The following ARHGAP44 variants were observed in gnomAD, a reference collection of about 807,000 sequenced individuals.
ARHGAP44 encodes Rho GTPase activating protein 44, also known as rho GTPase-activating protein 44.
ARHGAP44 carries 43 observed loss-of-function variants against 106.8 expected under a neutral mutation model. That is an observed-to-expected ratio of 0.40 (90% CI 0.32 to 0.52). ARHGAP44 has a LOEUF of 0.52. ARHGAP44 is among the 20% of genes least tolerant of loss of function. The pLI is 0.48. For synonymous variants in ARHGAP44, 439 were observed against 410.3 expected, an observed-to-expected ratio of 1.07 and a Z score of -0.85; for missense variants, 866 against 1,050.5, an observed-to-expected ratio of 0.82 and a Z score of 2.43.
intron 1 of ARHGAP44, among the ~76,000 whole-genome samples, chr17:12,889,764 A>G (rs1343624950): frequency 6.6e-6 from 1 of 152,184 alleles, no homozygotes; most frequent in East Asian, 1.9e-4. Flanking sequence ...TCCTGAGGCA[A>G]ACTTCTTCTA....
chr17:12,984,570 T>C lies in ARHGAP44; in HGVS notation c.1979T>C (p.Phe660Ser), dbSNP rs1350335460. 6.4e-7 allele frequency: 1 copy of C among 1,555,616 alleles called. No homozygotes were observed. Among genetic ancestry groups the C allele is most frequent in the Non-Finnish European group, 8.7e-7 (1 of 1,152,158 alleles). ...KLAPIPPKVPFGQPGAMADQS... is the reference protein window; with the variant it reads ...KLAPIPPKVPSGQPGAMADQS... The stretch of plus-strand genomic sequence containing the variant: ...GCACCGATTCCACCCAAGGTCCCCT[T>C]TGGCCAGCCGGGGGCTATGGCAGAC... Residue 660 changes from phenylalanine to serine, a missense_variant, in exon 20 of 21, where the codon TTT (phenylalanine) becomes TCT (serine). Around this residue, in one of 2 missense-constraint regions of ARHGAP44, gnomAD observed 418 missense variants for 403.6 expected, o/e 1.04. Coordinates refer to ENST00000379672, the MANE Select transcript of ARHGAP44 (RefSeq NM_014859.6).
Position 12,974,248 on chromosome 17 carries a change from C to G in ARHGAP44, c.1701C>G (p.Ser567Arg), listed in dbSNP as rs1598147038. The G allele has an allele frequency of 9.9e-6, 15 of 1,519,110 alleles. No individual in the cohort carries two copies. Among genetic ancestry groups the G allele is most frequent in the Non-Finnish European group, 1.2e-5 (14 of 1,135,196 alleles). 94.1% of individuals were successfully genotyped at this position (1,519,110 alleles called of 1,614,324 possible). Residue 567 changes from serine to arginine, a missense_variant, in exon 18 of 21, where the codon AGC becomes AGG. Coordinates refer to ENST00000379672, the MANE Select transcript of ARHGAP44 (RefSeq NM_014859.6). ...CGCTGCCGGAGCAGCCCCTGGACAG[C>G]CCCGCGGCCCCCGCGCTCTCTCCAT... ...PSPLPEQPLD[S>R]PAAPALSPSG...
At chr17:12,911,731 C>T (rs191479545) in intron 4 of ARHGAP44, among the ~76,000 whole-genome samples, 2 of 152,238 alleles carry the variant, frequency 1.3e-5, no homozygotes, top group African/African-American at 2.4e-5. Flanking sequence ...GGGGGACTCC[C>T]GGTGCAGTGG....
intron 1 of ARHGAP44, among the ~76,000 whole-genome samples, chr17:12,879,766 G>A (rs1031265433): frequency 1.3e-5 from 2 of 150,542 alleles, no homozygotes; most frequent in Non-Finnish European, 3.0e-5. Context: ...AAGGGGTTTG[G>A]GGCACTCATC....
intron 1 of ARHGAP44, among the ~76,000 whole-genome samples, chr17:12,875,581 T>G (rs941746153): frequency 1.7e-4 from 26 of 151,090 alleles, no homozygotes; most frequent in African/African-American, 6.4e-4. Context: ...AACAGAGCAA[T>G]ACTCTATCTC....
At position 12,802,946 on chromosome 17, in the gene ARHGAP44, TATATATATATA is replaced by T. The variant is rs2034146878; in HGVS notation, c.53+13056_53+13066del. On this transcript the variant is annotated intron_variant, in intron 1 of 20. Coordinates refer to ENST00000379672, the MANE Select transcript of ARHGAP44 (RefSeq NM_014859.6). ...GCTAATTTATATATATATATATATA[TATATATATATA>T]TATATATATATATTTTTTTTTTTTT... Among the ~76,000 whole-genome samples, 31 of 20,316 alleles carry T rather than the reference TATATATATATA, an allele frequency of 1.5e-3. 1 individual carries two copies. Among genetic ancestry groups the T allele is most frequent in the African/African-American group, 5.6e-3 (24 of 4,292 alleles). 13.3% of individuals were successfully genotyped at this position (20,316 alleles called of 152,430 possible).
At chr17:12,823,018 GC>G (rs2034817482) in intron 1 of ARHGAP44, among the ~76,000 whole-genome samples, 1 of 152,166 alleles carries the variant, frequency 6.6e-6, no homozygotes, top group African/African-American at 2.4e-5. Context: ...GGTAAAATGT[GC>G]AACTTCGTGT....
At chr17:12,826,181 A>G (rs1275274941) in intron 1 of ARHGAP44, among the ~76,000 whole-genome samples, 2 of 152,108 alleles carry the variant, frequency 1.3e-5, no homozygotes, top group Non-Finnish European at 2.9e-5. Flanking sequence ...TCACTTAGCT[A>G]TTAAGCCCAG....
chr17:12,827,646 G>A (rs1009571012), intron 1 of ARHGAP44, among the ~76,000 whole-genome samples: 23 of 152,024 alleles, frequency 1.5e-4, no homozygotes, highest in African/African-American at 5.1e-4. Context: ...GAGGTCTAAT[G>A]TACTGGTTAG....
rs1598173210 is a variant in ARHGAP44 at position 12,989,101 on chromosome 17, C to CGAAAAAAAAAAAAAAAAAA, written c.2318-931_2318-930insGAAAAAAAAAAAAAAAAAA. On this transcript the variant is annotated intron_variant, in intron 20 of 20. Transcript: ENST00000379672. Reference sequence around the variant, plus strand: ...GACAAGAGCGAAACTCCACCCCCCCCAAAAAAAAAAAAAAAAAAAAAAAAC... The same window carrying CGAAAAAAAAAAAAAAAAAA: ...GACAAGAGCGAAACTCCACCCCCCCCGAAAAAAAAAAAAAAAAAAAAAAAAAAAAAAAAAAAAAAAAAAC... 2.0e-4 allele frequency among the ~76,000 whole-genome samples: 9 copies of CGAAAAAAAAAAAAAAAAAA among 45,166 alleles called. 1 individual carries two copies. The highest frequency in any genetic ancestry group is 4.3e-4 in the African/African-American group (5 of 11,750). The allele number at this position is 45,166 out of a possible 152,430, so 29.6% of individuals were successfully genotyped here.
At chr17:12,978,056 A>AAAAAAAAAAAAAAAAAAAAAAAAAAAAAT (rs71144940) in intron 18 of ARHGAP44, among the ~76,000 whole-genome samples, 2 of 149,106 alleles carry the variant, frequency 1.3e-5, no homozygotes, top group African/African-American at 5.0e-5. Context: ...AAAAAAAAAA[A>AAAAAAAAAAAAAAAAAAAAAAAAAAAAAT]GTGTGTTTCG....
rs536501254 is a variant in ARHGAP44 at position 12,953,231 on chromosome 17, G to A, written c.1136+650G>A. 1.8e-4 allele frequency among the ~76,000 whole-genome samples: 27 copies of A among 152,204 alleles called. No individual in the cohort carries two copies. In the South Asian group the frequency reaches 4.8e-3, roughly 27 times the overall value. ...TAGCTGTGTTCCACGTCTGCCTCTC[G>A]CTTTTCTTGCTACCACCCGAGCTTC... On this transcript the variant is annotated intron_variant, in intron 13 of 20. Transcript: ENST00000379672.
chr17:12,971,463 G>A (rs1010571488), intron 16 of ARHGAP44, among the ~76,000 whole-genome samples: 4 of 152,134 alleles, frequency 2.6e-5, no homozygotes, highest in African/African-American at 4.8e-5. Flanking sequence ...CATCTCACAT[G>A]CCCGAAATCC....
At position 12,952,593 on chromosome 17, in the gene ARHGAP44, C is replaced by T. The variant is rs1410338866; in HGVS notation, c.1136+12C>T. The T allele has an allele frequency of 6.4e-7, 1 of 1,552,152 alleles. No individual in the cohort carries two copies. The highest frequency in any genetic ancestry group is 1.9e-5 in the Admixed American group (1 of 51,870). On this transcript the variant is annotated intron_variant, in intron 13 of 20. Transcript: ENST00000379672. ...CACAACAACATCCGGTAAGTGGATA[C>T]TTACCAAGTATAGACACATGGCTTG...
intron 1 of ARHGAP44, among the ~76,000 whole-genome samples, chr17:12,853,597 C>T (rs760360605): frequency 3.3e-5 from 5 of 152,280 alleles, no homozygotes; most frequent in Non-Finnish European, 4.4e-5. Flanking sequence ...AGGAGCGAGG[C>T]GTCCTATCAG....
intron 1 of ARHGAP44, among the ~76,000 whole-genome samples, chr17:12,800,729 A>G (rs576391299): frequency 3.3e-5 from 5 of 152,272 alleles, no homozygotes; most frequent in Admixed American, 1.3e-4. Context: ...GAATGGGGCT[A>G]TTTACAGCCC....
chr17:12,830,669 G>T (rs1196999003), intron 1 of ARHGAP44, among the ~76,000 whole-genome samples: 1 of 152,212 alleles, frequency 6.6e-6, no homozygotes, highest in Non-Finnish European at 1.5e-5. Context: ...ACTGTAAAAT[G>T]AGGGAATCAG....
intron 5 of ARHGAP44, among the ~76,000 whole-genome samples, chr17:12,917,713 AATGATGGAAAT>A (rs1389122544): frequency 6.6e-6 from 1 of 152,308 alleles, no homozygotes; most frequent in East Asian, 1.9e-4. Context: ...GACTCCCTAC[AATGATGGAAAT>A]ATTCTCAATC....
chr17:12,873,616 A>G (rs775338148), intron 1 of ARHGAP44, among the ~76,000 whole-genome samples: 4 of 152,216 alleles, frequency 2.6e-5, no homozygotes, highest in Non-Finnish European at 5.9e-5. Context: ...GCAAACCACC[A>G]GCCAGGCTTG....
Sources: allele counts gnomAD v4.1 joint callset (sites outside exome capture counted in the v4.1 genomes callset), GRCh38; gene constraint gnomAD v4.1.1; regional missense constraint gnomAD v4.1.1; transcripts MANE v1.5; gene names NCBI Gene and HGNC (gene_info 2026-07-23, HGNC 2026-07-21).